The following MON2 variants were observed in gnomAD, a reference collection of about 807,000 sequenced individuals.
MON2 encodes MON2 regulator of endosome-to-Golgi trafficking, also known as protein MON2 homolog.
A neutral mutation model predicts 208.6 loss-of-function variants in MON2; 84 were observed. The observed-to-expected ratio is 0.40, with a 90% CI of 0.34 to 0.48. The LOEUF is 0.48. Ranked by LOEUF, MON2 falls within the 20% of genes least tolerant of loss-of-function variation. MON2 has a pLI of 0.59. For missense variants in MON2, 1,611 were observed against 2,015.4 expected, an observed-to-expected ratio of 0.80 and a Z score of 3.84; for synonymous variants, 660 against 694.0, an observed-to-expected ratio of 0.95 and a Z score of 0.77.
intron 23 of MON2, among the ~76,000 whole-genome samples, chr12:62,550,909 CTTTTTTTTTTTTTTT>C: frequency 2.3e-5 from 1 of 43,814 alleles, no homozygotes; most frequent in Non-Finnish European, 4.3e-5. Context: ...TTCTTTCTTT[CTTTTTTTTTTTTTTT>C]TTTTTTTTTT....
intron 33 of MON2, among the ~76,000 whole-genome samples, chr12:62,585,942 C>G (rs984478254): frequency 6.6e-6 from 1 of 152,090 alleles, no homozygotes; most frequent in Admixed American, 6.5e-5. Context: ...TGTCAGCTAG[C>G]CTGATCTTAG....
At chr12:62,556,464 A>G (rs1238218873) in intron 25 of MON2, among the ~76,000 whole-genome samples, 2 of 152,210 alleles carry the variant, frequency 1.3e-5, no homozygotes. Context: ...ATGTGTTACA[A>G]GGAGTGGTAC....
At chr12:62,478,501 C>T (rs554634048) in intron 1 of MON2, among the ~76,000 whole-genome samples, 2 of 152,256 alleles carry the variant, frequency 1.3e-5, no homozygotes, top group East Asian at 3.9e-4. Flanking sequence ...TAGCTATCAT[C>T]TTGTTGTTAC....
intron 22 of MON2, among the ~76,000 whole-genome samples, chr12:62,549,096 T>C (rs2073627258): frequency 6.6e-6 from 1 of 152,170 alleles, no homozygotes; most frequent in Non-Finnish European, 1.5e-5. Context: ...GAAATACAAA[T>C]AGAAGTAATA....
chr12:62,573,675 CTTGTTT>C (rs527616601), intron 30 of MON2, among the ~76,000 whole-genome samples: 23 of 147,764 alleles, frequency 1.6e-4, no homozygotes, highest in Admixed American at 4.0e-4. Context: ...TTTTTTTTTG[CTTGTTT>C]TTGTTTTTCT....
In MON2 at chr12:62,596,118, AG is replaced by A. The variant is rs2075523397; in HGVS notation, c.*3371del. The A allele has an allele frequency of 6.6e-6, 1 of 152,238 alleles. No individual in the cohort carries two copies. Among genetic ancestry groups the A allele is most frequent in the Admixed American group, 6.5e-5 (1 of 15,284 alleles). The allele number at this position is 152,238 out of a possible 1,614,324, so 9.4% of individuals were successfully genotyped here. A position where few individuals can be genotyped will look rare whatever the true frequency, so the allele number is the denominator to read the frequency against. ...TAGTCCCAGGTAACCATTGGGCCAA[AG>A]GATCAGTTGAGAAACAGTTAAGGAT... On this transcript the variant is annotated 3_prime_UTR_variant, in exon 35 of 35. Transcript: ENST00000393630.
chr12:62,559,032 G>T (rs2074101355), intron 25 of MON2, among the ~76,000 whole-genome samples: 1 of 152,098 alleles, frequency 6.6e-6, no homozygotes, highest in Non-Finnish European at 1.5e-5. Context: ...GGAGGGGAAA[G>T]ATGCATATAA....
Position 62,573,965 on chromosome 12 carries a change from AG to A in MON2, c.4514+2384del, listed in dbSNP as rs2074690456. On this transcript the variant is annotated intron_variant, in intron 30 of 34. Transcript: ENST00000393630. The stretch of plus-strand genomic sequence containing the variant: ...GGTGTGTTGGAAAATACATTACTTA[AG>A]AAGCAGCCAGCATAGTGGATAAGAG... Among the ~76,000 whole-genome samples the A allele has an allele frequency of 2.0e-5, 3 of 152,330 alleles. No homozygotes were observed. In the South Asian group the frequency reaches 6.2e-4, roughly 32 times the overall value.
Position 62,596,356 on chromosome 12 carries a change from C to T in MON2, c.*3607C>T, listed in dbSNP as rs2075527036. On this transcript the variant is annotated 3_prime_UTR_variant, in exon 35 of 35. Transcript: ENST00000393630. ...TGAAGTCTGTCTAGCCAAGGCAGAA[C>T]ACTTACAGGAGTCCCTAACTGTGCC... 1 of 152,176 alleles carries T rather than the reference C, an allele frequency of 6.6e-6. No homozygotes were observed. The highest frequency in any genetic ancestry group is 2.4e-5 in the African/African-American group (1 of 41,440). The allele number at this position is 152,176 out of a possible 1,614,324, so 9.4% of individuals were successfully genotyped here.
chr12:62,565,308 A>G lies in MON2; in HGVS notation c.4104A>G (p.Val1368=). 1 of 1,613,178 alleles carries G rather than the reference A, an allele frequency of 6.2e-7. No individual in the cohort carries two copies. Among genetic ancestry groups the G allele is most frequent in the Non-Finnish European group, 8.5e-7 (1 of 1,179,310 alleles). ...PAIFDQLLAF[V]EFSCKPPQYG... ...TATTTGACCAGTTGTTGGCATTTGT[A>G]GAATTTTCCTGTAAACCTCCACAGT... The change falls in exon 27 of 35, where the codon GTA becomes GTG. Residue 1368 remains valine (V), a synonymous_variant. Coordinates refer to ENST00000393630, the MANE Select transcript of MON2 (RefSeq NM_015026.3).
In MON2 at chr12:62,578,432, T is replaced by G. The variant is rs769408992; in HGVS notation, c.4515-13T>G. ...TATTTTATCTTTAAAAATCAAGTGT[T>G]TTTTTTTTTTAGCATACCTCCAGAT... On this transcript the variant is annotated splice_polypyrimidine_tract_variant and intron_variant, in intron 30 of 34. Transcript: ENST00000393630. The G allele has an allele frequency of 1.3e-5, 17 of 1,343,506 alleles. No homozygotes were observed. In the Middle Eastern group the frequency reaches 6.1e-4, roughly 48 times the overall value. 83.2% of individuals were successfully genotyped at this position (1,343,506 alleles called of 1,614,324 possible). A position where few individuals can be genotyped will look rare whatever the true frequency, so the allele number is the denominator to read the frequency against.
At chr12:62,531,534 A>C (rs1381412683) in intron 11 of MON2, among the ~76,000 whole-genome samples, 1 of 152,214 alleles carries the variant, frequency 6.6e-6, no homozygotes, top group Non-Finnish European at 1.5e-5. Context: ...GTTTAGAACC[A>C]TAGTTCACTA....
chr12:62,572,894 A>G (rs1387203056), intron 30 of MON2, among the ~76,000 whole-genome samples: 1 of 152,248 alleles, frequency 6.6e-6, no homozygotes, highest in Non-Finnish European at 1.5e-5. Flanking sequence ...CTACATTGGC[A>G]TATGGATAAT....
chr12:62,475,775 T>G (rs1692877583), intron 1 of MON2, among the ~76,000 whole-genome samples: 1 of 149,092 alleles, frequency 6.7e-6, no homozygotes, highest in African/African-American at 2.5e-5. Flanking sequence ...TTTGGGAGGC[T>G]GAGGCGGGCT....
intron 22 of MON2, among the ~76,000 whole-genome samples, chr12:62,547,661 C>T (rs2073549393): frequency 6.6e-6 from 1 of 152,150 alleles, no homozygotes; most frequent in African/African-American, 2.4e-5. Flanking sequence ...TTATACGCTG[C>T]CTAACGTTTC....
At chr12:62,484,274 T>G in intron 2 of MON2, 41 bp downstream of exon 2, 1 of 1,264,612 alleles carries the variant, frequency 7.9e-7, no homozygotes, top group Non-Finnish European at 1.1e-6. Context: ...AACAAAAATT[T>G]GACTAATAGT....
chr12:62,559,418 A>G (rs2074114188), intron 25 of MON2, among the ~76,000 whole-genome samples: 2 of 152,136 alleles, frequency 1.3e-5, no homozygotes, highest in African/African-American at 2.4e-5. Context: ...GCCCTTTGGA[A>G]GACTGAGGCA....
intron 5 of MON2, 44 bp from the exon 6 acceptor site, chr12:62,500,739 A>G (rs762182674): frequency 2.4e-6 from 2 of 835,308 alleles, no homozygotes; most frequent in South Asian, 1.7e-5. Flanking sequence ...TAATTTATTA[A>G]AGGCTATTAT....
At chr12:62,563,354 T>TA (rs2136360241) in intron 26 of MON2, among the ~76,000 whole-genome samples, 1 of 152,318 alleles carries the variant, frequency 6.6e-6, no homozygotes, top group African/African-American at 2.4e-5. Context: ...TCAAGTTCTC[T>TA]AGCAAAGACC....
Sources: allele counts gnomAD v4.1 joint callset (sites outside exome capture counted in the v4.1 genomes callset), GRCh38; gene constraint gnomAD v4.1.1; transcripts MANE v1.5; gene names NCBI Gene and HGNC (gene_info 2026-07-23, HGNC 2026-07-21).